The following NIPAL2 variants were observed in gnomAD, a reference collection of about 807,000 sequenced individuals.
The protein encoded by NIPAL2 is NIPA-like protein 2.
A neutral mutation model predicts 48.9 loss-of-function variants in NIPAL2; 43 were observed. The observed-to-expected ratio is 0.88, with a 90% CI of 0.69 to 1.13. NIPAL2 has a LOEUF of 1.13. NIPAL2 is among the 50% of genes most tolerant of loss of function. The probability of loss-of-function intolerance (pLI) is 0.00; values close to 1 mark genes in which losing one functional copy is unlikely to be tolerated. For synonymous variants in NIPAL2, 167 were observed against 174.6 expected, an observed-to-expected ratio of 0.96 and a Z score of 0.34; for missense variants, 446 against 461.4, an observed-to-expected ratio of 0.97 and a Z score of 0.31.
intron 5 of NIPAL2, 45 bp from the exon 6 acceptor site, chr8:98,212,546 G>A (rs771980886): frequency 2.0e-6 from 2 of 983,754 alleles, no homozygotes; most frequent in African/African-American, 1.6e-5. Flanking sequence ...TCTATGCAAA[G>A]TCTTCAAAAT....
chr8:98,285,733 CT>C (rs564675301), intron 1 of NIPAL2, among the ~76,000 whole-genome samples: 12 of 148,636 alleles, frequency 8.1e-5, no homozygotes, highest in African/African-American at 1.7e-4. Flanking sequence ...TTCTTTCTTT[CT>C]TTTTTTTTTG....
In NIPAL2 at chr8:98,242,419, T is replaced by C. The variant is rs145780118; in HGVS notation, c.377-6205A>G. On this transcript the variant is annotated intron_variant, in intron 3 of 10. Transcript: ENST00000430223. ...CCAGGCTGGTCTCAAACGTCTGGGC[T>C]CAATTGATTCTCCTACTTTGGCCTT... is the stretch of plus-strand genomic sequence containing the variant. 1.3e-3 allele frequency among the ~76,000 whole-genome samples: 192 copies of C among 151,290 alleles called. 1 individual carries two copies. The highest frequency in any genetic ancestry group is 2.1e-3 in the Non-Finnish European group (143 of 67,856).
intron 1 of NIPAL2, among the ~76,000 whole-genome samples, chr8:98,283,712 A>C (rs1480269126): frequency 6.6e-6 from 1 of 152,056 alleles, no homozygotes. Context: ...TCTACCCCAC[A>C]CCTGCCTGGG....
intron 5 of NIPAL2, 39 bp from the exon 6 acceptor site, chr8:98,212,540 T>C (rs1207922273): frequency 8.8e-6 from 9 of 1,022,644 alleles, no homozygotes; most frequent in African/African-American, 4.8e-5. Flanking sequence ...AGTTATTCTA[T>C]GCAAAGTCTT....
intron 1 of NIPAL2, among the ~76,000 whole-genome samples, chr8:98,272,376 A>G (rs940314090): frequency 5.3e-5 from 8 of 152,156 alleles, no homozygotes; most frequent in Admixed American, 2.0e-4. Context: ...GCTGCGAAAA[A>G]TTGTGGTTAA....
chr8:98,196,912 T>C (rs749209849), intron 8 of NIPAL2, among the ~76,000 whole-genome samples: 5 of 152,234 alleles, frequency 3.3e-5, no homozygotes, highest in Admixed American at 6.5e-5. Flanking sequence ...GAAGAAGCCA[T>C]GTCCAGTTCT....
chr8:98,246,994 G>T (rs1328183500), intron 3 of NIPAL2, among the ~76,000 whole-genome samples: 1 of 152,138 alleles, frequency 6.6e-6, no homozygotes, highest in African/African-American at 2.4e-5. Context: ...TTTAGGCATA[G>T]CATAGATCAC....
At chr8:98,269,882 A>G (rs1404471719) in intron 1 of NIPAL2, among the ~76,000 whole-genome samples, 2 of 152,094 alleles carry the variant, frequency 1.3e-5, no homozygotes, top group East Asian at 3.8e-4. Context: ...TCCCAACTAT[A>G]TGTCCATGTA....
At chr8:98,234,049 A>C (rs1812584364) in intron 4 of NIPAL2, among the ~76,000 whole-genome samples, 1 of 152,150 alleles carries the variant, frequency 6.6e-6, no homozygotes, top group Admixed American at 6.5e-5. Flanking sequence ...GAATGTTTGG[A>C]GACATTTTTG....
chr8:98,190,240 A>G lies in NIPAL2; in HGVS notation c.*2738T>C, dbSNP rs1286691812. 6.6e-6 allele frequency: 1 copy of G among 152,418 alleles called. No homozygotes were observed. The highest frequency in any genetic ancestry group is 1.5e-5 in the Non-Finnish European group (1 of 68,184). 9.4% of individuals were successfully genotyped at this position (152,418 alleles called of 1,614,324 possible). On this transcript the variant is annotated 3_prime_UTR_variant, in exon 11 of 11. Coordinates refer to ENST00000430223, the MANE Select transcript of NIPAL2 (RefSeq NM_001321635.2). The stretch of plus-strand genomic sequence containing the variant: ...TCCCTGAATGCCCAATCAACAGGAA[A>G]GAAGCTGCAGAGCAAGGGCAGAAGA...
At chr8:98,233,111 A>C (rs952270352) in intron 4 of NIPAL2, among the ~76,000 whole-genome samples, 8 of 152,190 alleles carry the variant, frequency 5.3e-5, no homozygotes, top group Non-Finnish European at 7.4e-5. Context: ...TACAAAATTT[A>C]GCTGGGCGTG....
intron 3 of NIPAL2, 105 bp from the exon 4 acceptor site, chr8:98,236,319 A>G (rs1812712987): frequency 1.4e-6 from 1 of 706,448 alleles, no homozygotes; most frequent in African/African-American, 1.8e-5. Context: ...CTGATGAGCT[A>G]TGTCCTGATC....
chr8:98,208,243 C>T (rs2130714888), intron 6 of NIPAL2, among the ~76,000 whole-genome samples: 1 of 152,240 alleles, frequency 6.6e-6, no homozygotes, highest in South Asian at 2.1e-4. Context: ...ATGTGCTGAC[C>T]TGTTTTTGAA....
chr8:98,271,093 T>C (rs1461292557), intron 1 of NIPAL2, among the ~76,000 whole-genome samples: 2 of 152,074 alleles, frequency 1.3e-5, no homozygotes, highest in Non-Finnish European at 2.9e-5. Context: ...GTTTTTGTTA[T>C]TATAGCCTTC....
intron 3 of NIPAL2, among the ~76,000 whole-genome samples, chr8:98,249,067 A>G (rs940612089): frequency 6.6e-6 from 1 of 152,100 alleles, no homozygotes; most frequent in Admixed American, 6.5e-5. Flanking sequence ...TTGAGATACA[A>G]TCAAGGGAAT....
intron 1 of NIPAL2, among the ~76,000 whole-genome samples, chr8:98,282,620 C>T (rs1014456205): frequency 8.5e-5 from 13 of 152,116 alleles, no homozygotes; most frequent in African/African-American, 3.1e-4. Context: ...CTGCAGTGAG[C>T]TATGATTGTA....
chr8:98,208,796 G>T (rs543025769), intron 6 of NIPAL2, among the ~76,000 whole-genome samples: 1 of 152,068 alleles, frequency 6.6e-6, no homozygotes, highest in Non-Finnish European at 1.5e-5. Flanking sequence ...TGGGCCACTC[G>T]CCAGAAGCCA....
chr8:98,280,761 T>TATATATATATATATATATATAGAGAG, intron 1 of NIPAL2, among the ~76,000 whole-genome samples: 14 of 29,994 alleles, frequency 4.7e-4, no homozygotes, highest in South Asian at 1.5e-3. Context: ...TATATATATA[T>TATATATATATATATATATATAGAGAG]AGAGAGAGAG....
chr8:98,276,313 T>C (rs1258047544), intron 1 of NIPAL2, among the ~76,000 whole-genome samples: 1 of 152,232 alleles, frequency 6.6e-6, no homozygotes, highest in Non-Finnish European at 1.5e-5. Context: ...TTTTGTCTTT[T>C]CTAAAATATT....
Sources: gnomAD v4.1 joint callset for allele counts (sites outside exome capture counted in the v4.1 genomes callset) on GRCh38, gnomAD v4.1.1 for gene constraint, MANE v1.5 for transcripts, NCBI Gene and HGNC (gene_info 2026-07-23, HGNC 2026-07-21) for gene names.